HNF4A: variants seen among roughly 807,000 people sequenced by gnomAD.
HNF4A encodes the protein hepatocyte nuclear factor 4 alpha.
Under a neutral mutation model 52.4 loss-of-function variants are expected in HNF4A, and 15 were observed. The ratio of observed to expected loss-of-function variants is 0.29; its 90% confidence interval spans 0.19 to 0.44. The LOEUF (loss-of-function observed/expected upper bound fraction) is 0.44. HNF4A is among the 20% of genes least tolerant of loss of function. The pLI is 1.00. For missense variants in HNF4A, 479 were observed against 647.2 expected, an observed-to-expected ratio of 0.74 and a Z score of 2.82; for synonymous variants, 280 against 264.4, an observed-to-expected ratio of 1.06 and a Z score of -0.57.
intron 3 of HNF4A, among the ~76,000 whole-genome samples, chr20:44,407,748 G>A (rs1353989677): frequency 7.0e-6 from 1 of 142,508 alleles, no homozygotes; most frequent in African/African-American, 2.8e-5. Flanking sequence ...CCACCACAAA[G>A]CAGCCACGTT....
intron 1 of HNF4A, among the ~76,000 whole-genome samples, chr20:44,387,914 T>C (rs2063250958): frequency 6.6e-6 from 1 of 152,034 alleles, no homozygotes; most frequent in African/African-American, 2.4e-5. Context: ...GATGTTGGCT[T>C]GAATAATTGA....
chr20:44,358,619 C>A (rs2062884658), intron 1 of HNF4A, among the ~76,000 whole-genome samples: 2 of 151,764 alleles, frequency 1.3e-5, no homozygotes, highest in Admixed American at 1.3e-4. Flanking sequence ...TCAAAAAAAA[C>A]AAAACAAAAC....
intron 1 of HNF4A, among the ~76,000 whole-genome samples, chr20:44,374,790 G>A (rs992995137): frequency 2.0e-5 from 3 of 152,166 alleles, no homozygotes; most frequent in African/African-American, 7.2e-5. Context: ...GAATAGTGCT[G>A]TGTAGAACAT....
At chr20:44,433,001 T>G (rs1369216433), downstream of HNF4A, 1 of 152,200 alleles carries the variant, frequency 6.6e-6, no homozygotes, top group African/African-American at 2.4e-5. Context: ...TTATAATTTT[T>G]CAGTCTTCAC....
intron 3 of HNF4A, among the ~76,000 whole-genome samples, chr20:44,413,061 A>G (rs2063609760): frequency 6.6e-6 from 1 of 152,154 alleles, no homozygotes; most frequent in African/African-American, 2.4e-5. Flanking sequence ...ATCTCAGGCC[A>G]GGACTGACCC....
chr20:44,364,719 C>T (rs894208048), intron 1 of HNF4A, among the ~76,000 whole-genome samples: 12 of 152,188 alleles, frequency 7.9e-5, no homozygotes, highest in African/African-American at 2.4e-4. Flanking sequence ...CCACCTGCCC[C>T]GACCTCCCAA....
intron 3 of HNF4A, 55 bp downstream of exon 3, chr20:44,407,530 C>T: frequency 8.4e-7 from 1 of 1,184,938 alleles, no homozygotes; most frequent in Non-Finnish European, 1.2e-6. Flanking sequence ...ACCCACAGCT[C>T]CCCGACAGTC....
At chr20:44,418,609 T>G (rs555086332) in intron 6 of HNF4A, 97 bp downstream of exon 6, 9 of 924,276 alleles carry the variant, frequency 9.7e-6, no homozygotes, top group African/African-American at 3.2e-5. Context: ...CATGCAAGGG[T>G]GAGGGAGACT....
intron 3 of HNF4A, chr20:44,407,986 C>A (rs977883969): frequency 4.5e-6 from 1 of 223,960 alleles, no homozygotes; most frequent in Admixed American, 5.2e-5. Flanking sequence ...TCTTCACATT[C>A]TAGAAAATGG....
chr20:44,427,126 C>T (rs1184771967), intron 8 of HNF4A, among the ~76,000 whole-genome samples: 1 of 152,242 alleles, frequency 6.6e-6, no homozygotes, highest in Admixed American at 6.5e-5. Flanking sequence ...AGTAGCACTT[C>T]TCCAGTGGTG....
At chr20:44,421,845 T>C (rs2063750777) in intron 7 of HNF4A, among the ~76,000 whole-genome samples, 1 of 146,266 alleles carries the variant, frequency 6.8e-6, no homozygotes, top group Non-Finnish European at 1.5e-5. Flanking sequence ...ATATATTACG[T>C]ATAATATATA....
intron 1 of HNF4A, among the ~76,000 whole-genome samples, chr20:44,392,704 G>A (rs775236548): frequency 9.9e-5 from 15 of 152,134 alleles, no homozygotes; most frequent in Non-Finnish European, 2.1e-4. Context: ...ATGAGTCTCT[G>A]CTTTGTTAGA....
At chr20:44,384,900 C>T (rs1418552625) in intron 1 of HNF4A, among the ~76,000 whole-genome samples, 1 of 151,716 alleles carries the variant, frequency 6.6e-6, no homozygotes, top group Non-Finnish European at 1.5e-5. Flanking sequence ...AACATTTGTT[C>T]CCAGAAAAGG....
At chr20:44,405,994 G>T in intron 1 of HNF4A, 64 bp from the exon 2 acceptor site, 1 of 1,506,618 alleles carries the variant, frequency 6.6e-7, no homozygotes. Context: ...ATCCCCGCAA[G>T]GCTCCCTTAG....
chr20:44,401,440 A>G lies in HNF4A; in HGVS notation c.68A>G (p.Tyr23Cys). ...TACAGTGCTGCACTGGACCCAGCCTACACCACCCTGGAATTTGAGAATGTG... is the reference window on the plus strand; with the variant it reads ...TACAGTGCTGCACTGGACCCAGCCTGCACCACCCTGGAATTTGAGAATGTG... Residue 23 changes from tyrosine (Y) to cysteine (C), a missense_variant, in exon 1 of 10, where the codon TAC (tyrosine) becomes TGC (cysteine). This residue lies in a region of HNF4A where 90 missense variants were observed against 105.5 expected (regional missense o/e 0.85). Transcript: ENST00000316099. 2 of 1,614,206 alleles carry G rather than the reference A, an allele frequency of 1.2e-6. No homozygotes were observed. Among genetic ancestry groups the G allele is most frequent in the Non-Finnish European group, 1.7e-6 (2 of 1,180,028 alleles).
chr20:44,384,910 G>T (rs1378757069), intron 1 of HNF4A, among the ~76,000 whole-genome samples: 1 of 151,938 alleles, frequency 6.6e-6, no homozygotes, highest in African/African-American at 2.4e-5. Context: ...CCCAGAAAAG[G>T]GAGTGTGATG....
chr20:44,407,910 C>G (rs1048162504), intron 3 of HNF4A, among the ~76,000 whole-genome samples: 1 of 152,178 alleles, frequency 6.6e-6, no homozygotes, highest in East Asian at 1.9e-4. Flanking sequence ...CCTGAGCTTC[C>G]GGTCCCAGGG....
At chr20:44,367,231 A>T (rs576981859) in intron 1 of HNF4A, among the ~76,000 whole-genome samples, 1 of 150,858 alleles carries the variant, frequency 6.6e-6, no homozygotes, top group African/African-American at 2.4e-5. Context: ...GCTACTCGGG[A>T]GGCTGAGGCA....
At chr20:44,393,136 G>A (rs6073427) in intron 1 of HNF4A, among the ~76,000 whole-genome samples, 32 of 152,352 alleles carry the variant, frequency 2.1e-4, no homozygotes, top group African/African-American at 7.7e-4. Flanking sequence ...GTCTGGGTCA[G>A]GCAGGGGCTC....
Sources: gnomAD v4.1 joint callset for allele counts (sites outside exome capture counted in the v4.1 genomes callset) on GRCh38, gnomAD v4.1.1 for gene constraint, gnomAD v4.1.1 regional missense constraint, MANE v1.5 for transcripts, NCBI Gene and HGNC (gene_info 2026-07-23, HGNC 2026-07-21) for gene names.